SLC22A7: variants seen among roughly 807,000 people sequenced by gnomAD.
SLC22A7 encodes the protein hOAT2.
Under a neutral mutation model 62.2 loss-of-function variants are expected in SLC22A7, and 48 were observed. The observed-to-expected ratio is 0.77, with a 90% CI of 0.61 to 0.98. The LOEUF (loss-of-function observed/expected upper bound fraction) is 0.98, where lower values mean the gene tolerates loss of function less well. Among genes scored for constraint, SLC22A7 ranks in the 50% least tolerant of loss-of-function variants. The pLI is 0.00. For synonymous variants in SLC22A7, 276 were observed against 314.8 expected, an observed-to-expected ratio of 0.88 and a Z score of 1.30; for missense variants, 581 against 703.8, an observed-to-expected ratio of 0.83 and a Z score of 1.97.
At position 43,301,227 on chromosome 6, in the gene SLC22A7, G is replaced by A. The variant is rs145747199; in HGVS notation, c.920G>A (p.Arg307Gln). ...YLLHCARLNGRPVCEDSFSQE... is the reference protein window; with the variant it reads ...YLLHCARLNGQPVCEDSFSQE... ...CTCCACTGTGCCAGGCTCAATGGGC[G>A]GCCAGTGTGTGAGGACAGCTTCAGC... is the stretch of plus-strand genomic sequence containing the variant. The change falls in exon 6 of 11, where the codon CGG (arginine) becomes CAG (glutamine). Residue 307 changes from arginine to glutamine, a missense_variant. Transcript: ENST00000372585. The A allele has an allele frequency of 9.3e-6, 15 of 1,614,034 alleles. No homozygotes were observed. The East Asian group carries it at 1.1e-4, about 12-fold the overall frequency.
chr6:43,304,245 G>A lies in SLC22A7; in HGVS notation c.1592+1G>A, dbSNP rs201333774. 6.4e-7 allele frequency: 1 copy of A among 1,550,458 alleles called. No individual in the cohort carries two copies. The highest frequency in any genetic ancestry group is 8.7e-7 in the Non-Finnish European group (1 of 1,146,684). On this transcript the variant is annotated splice_donor_variant, in intron 10 of 10. Transcript: ENST00000372585. LOFTEE classifies it high-confidence loss of function. ...CCATCCAGGACGTGGAGAGAAAGAG[G>A]TGTGTGCACAGGACTGTGTCTGTGT...
rs1263633795 is a variant in SLC22A7 at position 43,298,356 on chromosome 6, A to C, written c.-3A>C. 6.2e-7 allele frequency: 1 copy of C among 1,607,078 alleles called. No individual in the cohort carries two copies. Among genetic ancestry groups the C allele is most frequent in the African/African-American group, 1.3e-5 (1 of 74,992 alleles). On this transcript the variant is annotated 5_prime_UTR_variant, in exon 1 of 11. Transcript: ENST00000372585. Reference sequence around the variant, plus strand: ...CACCTGAAGCATTTGGTGGGTGAGCAGCATGGGCTTTGAGGAGCTGCTGGA... The same window carrying C: ...CACCTGAAGCATTTGGTGGGTGAGCCGCATGGGCTTTGAGGAGCTGCTGGA...
chr6:43,297,304 G>A (rs1236931073), upstream of SLC22A7, among the ~76,000 whole-genome samples: 1 of 152,140 alleles, frequency 6.6e-6, no homozygotes, highest in South Asian at 2.1e-4. Context: ...ACCCCAGCAG[G>A]TCCCCTCCCT....
intron 9 of SLC22A7, among the ~76,000 whole-genome samples, 170 bp from the exon 10 acceptor site, chr6:43,303,868 C>G (rs892408157): frequency 1.3e-5 from 2 of 152,216 alleles, no homozygotes; most frequent in African/African-American, 4.8e-5. Flanking sequence ...CTTGAGGTCT[C>G]CTGGCCTGAA....
At position 43,304,883 on chromosome 6, in the gene SLC22A7, T is replaced by C. The variant is rs955395741; in HGVS notation, c.*158T>C. On this transcript the variant is annotated 3_prime_UTR_variant, in exon 11 of 11. Coordinates refer to ENST00000372585, the MANE Select transcript of SLC22A7 (RefSeq NM_153320.2). ...CCTCTGCTCATCCATCCTTGATTAT[T>C]TGGCTTCTAGGAACAGTTGACTTCC... 1 of 508,578 alleles carries C rather than the reference T, an allele frequency of 2.0e-6. No homozygotes were observed. Among genetic ancestry groups the C allele is most frequent in the African/African-American group, 2.0e-5 (1 of 50,170 alleles). The allele number at this position is 508,578 out of a possible 1,614,324, so 31.5% of individuals were successfully genotyped here.
upstream of SLC22A7, chr6:43,298,169 G>T: frequency 1.8e-6 from 1 of 571,164 alleles, no homozygotes; most frequent in Admixed American, 3.3e-5. Flanking sequence ...AAGACAGGTA[G>T]AGGTCCCTGG....
At chr6:43,297,433 T>C (rs1582541741), upstream of SLC22A7, among the ~76,000 whole-genome samples, 2 of 152,190 alleles carry the variant, frequency 1.3e-5, no homozygotes, top group African/African-American at 2.4e-5. Flanking sequence ...TGCTGTACTT[T>C]TGCTGCAGGG....
Position 43,304,018 on chromosome 6 carries a change from C to T in SLC22A7, c.1386-20C>T. The T allele has an allele frequency of 6.7e-7, 1 of 1,490,808 alleles. No homozygotes were observed. The allele number at this position is 1,490,808 out of a possible 1,614,324, so 92.3% of individuals were successfully genotyped here. ...AGGTGTGAACACCATCTGCCTCCCT[C>T]ATCCTCTTTCTCTGAACAGACAGAC... On this transcript the variant is annotated intron_variant, in intron 9 of 10. Transcript: ENST00000372585.
At chr6:43,304,288 T>C in intron 10 of SLC22A7, 44 bp downstream of exon 10, 1 of 1,427,588 alleles carries the variant, frequency 7.0e-7, no homozygotes, top group African/African-American at 1.4e-5. Flanking sequence ...ATAACATGCA[T>C]ATGGATGCAG....
chr6:43,302,430 T>A lies in SLC22A7; in HGVS notation c.1276+16T>A, dbSNP rs1778787771. The A allele has an allele frequency of 6.5e-7, 1 of 1,538,296 alleles. No homozygotes were observed. The highest frequency in any genetic ancestry group is 1.4e-5 in the African/African-American group (1 of 73,342). On this transcript the variant is annotated intron_variant, in intron 8 of 10. Coordinates refer to ENST00000372585, the MANE Select transcript of SLC22A7 (RefSeq NM_153320.2). The surrounding 1 kb of genome is among the most constrained non-coding windows in gnomAD (Gnocchi z 5.0). ...GTGTCCTCCGGTGAGCCCAGTCCCATAGGTTCTGCCCACCCCAGAAGCCGG... is the reference window on the plus strand; with the variant it reads ...GTGTCCTCCGGTGAGCCCAGTCCCAAAGGTTCTGCCCACCCCAGAAGCCGG...
At position 43,301,590 on chromosome 6, in the gene SLC22A7, G is replaced by A. The variant is rs1778750746; in HGVS notation, c.959G>A (p.Ser320Asn). Residue 320 changes from serine (S) to asparagine (N), a missense_variant, in exon 7 of 11, where the codon AGC (serine) becomes AAC (asparagine). By Grantham distance (46) the Ser-to-Asn change is conservative. Coordinates refer to ENST00000372585, the MANE Select transcript of SLC22A7 (RefSeq NM_153320.2). ...CEDSFSQEAV[S>N]KVAAGERVVR... ...CACCTCCTTCCCTACCAGGCTGTGA[G>A]CAAAGTGGCCGCCGGGGAACGGGTG... is the stretch of plus-strand genomic sequence containing the variant. 6.2e-7 allele frequency: 1 copy of A among 1,614,048 alleles called. No homozygotes were observed. The highest frequency in any genetic ancestry group is 8.5e-7 in the Non-Finnish European group (1 of 1,179,914).
chr6:43,304,097 TG>T lies in SLC22A7; in HGVS notation c.1447del (p.Ala483ArgfsTer61). On this transcript the variant is annotated frameshift_variant, in exon 10 of 11. Transcript: ENST00000372585. LOFTEE classifies it high-confidence loss of function. ...VGRLGGSLAP[L>X]AALLDGVWLS... Reference sequence around the variant, plus strand: ...CGGCTGGGGGGCTCTTTGGCCCCACTGGCGGCCTTGCTGGATGGAGTGTGGC... The same window carrying T: ...CGGCTGGGGGGCTCTTTGGCCCCACTGCGGCCTTGCTGGATGGAGTGTGGC... 6.2e-7 allele frequency: 1 copy of T among 1,601,164 alleles called. No individual in the cohort carries two copies. The highest frequency in any genetic ancestry group is 1.7e-5 in the Admixed American group (1 of 58,904).
rs1778896082 is a variant in SLC22A7 at position 43,305,190 on chromosome 6, A to T, written c.*465A>T. ...TAGGATCTGTTGCCATGCTCAAATGAGTTACTGAATAAGGTGCTTCTGCTT... is the reference window on the plus strand; with the variant it reads ...TAGGATCTGTTGCCATGCTCAAATGTGTTACTGAATAAGGTGCTTCTGCTT... On this transcript the variant is annotated 3_prime_UTR_variant, in exon 11 of 11. Coordinates refer to ENST00000372585, the MANE Select transcript of SLC22A7 (RefSeq NM_153320.2). The T allele has an allele frequency of 2.5e-5, 4 of 162,896 alleles. No homozygotes were observed. Among genetic ancestry groups the T allele is most frequent in the Non-Finnish European group, 5.3e-5 (4 of 75,630 alleles). The allele number at this position is 162,896 out of a possible 1,614,324, so 10.1% of individuals were successfully genotyped here.
rs549904989 is a variant in SLC22A7 at position 43,299,240 on chromosome 6, G to A, written c.399+143G>A. On this transcript the variant is annotated intron_variant, in intron 2 of 10. Transcript: ENST00000372585. The surrounding 1 kb of genome is among the most constrained non-coding windows in gnomAD (Gnocchi z 4.4). ...AAAGTTTCCTATTCCCCAAGCTGGCGTGAATCGTTGGGAGGTTTATTATCT... is the reference window on the plus strand; with the variant it reads ...AAAGTTTCCTATTCCCCAAGCTGGCATGAATCGTTGGGAGGTTTATTATCT... The A allele has an allele frequency of 9.3e-6, 15 of 1,610,384 alleles. No homozygotes were observed. Among genetic ancestry groups the A allele is most frequent in the East Asian group, 6.7e-5 (3 of 44,854 alleles).
In SLC22A7 at chr6:43,299,496, G is replaced by C. The variant is rs181697690; in HGVS notation, c.503+3G>C. 15 of 1,610,612 alleles carry C rather than the reference G, an allele frequency of 9.3e-6. No homozygotes were observed. The Admixed American group carries it at 1.2e-4, about 13-fold the overall frequency. On this transcript the variant is annotated splice_donor_region_variant and intron_variant, in intron 3 of 10. Coordinates refer to ENST00000372585, the MANE Select transcript of SLC22A7 (RefSeq NM_153320.2). This position sits in a 1 kb window ranked among gnomAD's most constrained non-coding sequence, Gnocchi z 4.4. ...GCCTTTGGATATCTGTCCGACAGGTGGGGTGAGGCACTGGGCCAATAAGAA... is the reference window on the plus strand; with the variant it reads ...GCCTTTGGATATCTGTCCGACAGGTCGGGTGAGGCACTGGGCCAATAAGAA...
chr6:43,298,781 TG>T, intron 1 of SLC22A7, 30 bp downstream of exon 1: 3 of 1,516,434 alleles, frequency 2.0e-6, no homozygotes, highest in Non-Finnish European at 2.6e-6. Context: ...GAGAGACATG[TG>T]AGAGGGATGG....
At chr6:43,301,941 C>T (rs1007736044) in intron 7 of SLC22A7, among the ~76,000 whole-genome samples, 8 of 152,184 alleles carry the variant, frequency 5.3e-5, no homozygotes, top group Non-Finnish European at 1.2e-4. Flanking sequence ...CCACTCAGAG[C>T]CCCAGTGTCC....
chr6:43,303,410 A>T (rs1392531103), intron 9 of SLC22A7, among the ~76,000 whole-genome samples: 1 of 152,158 alleles, frequency 6.6e-6, no homozygotes, highest in Non-Finnish European at 1.5e-5. Flanking sequence ...CAGTGAGCTG[A>T]GATCATGCCA....
rs1778625000 is a variant in SLC22A7 at position 43,298,697 on chromosome 6, C to T, written c.339C>T (p.Cys113=). ...ELEDEPATVP[C]SQGWEYDHSE... The stretch of plus-strand genomic sequence containing the variant: ...AGGATGAACCTGCCACAGTGCCCTG[C>T]TCTCAGGGCTGGGAGTACGACCACT... The change falls in exon 1 of 11, where the codon TGC becomes TGT. Residue 113 remains cysteine, a synonymous_variant. Transcript: ENST00000372585. The T allele has an allele frequency of 6.5e-7, 1 of 1,543,312 alleles. No homozygotes were observed. The highest frequency in any genetic ancestry group is 2.0e-5 in the Admixed American group (1 of 50,766).
Sources: allele counts gnomAD v4.1 joint callset (sites outside exome capture counted in the v4.1 genomes callset), GRCh38; gene constraint gnomAD v4.1.1; non-coding constraint Gnocchi (gnomAD v3.1); transcripts MANE v1.5; gene names NCBI Gene and HGNC (gene_info 2026-07-23, HGNC 2026-07-21).